The following LPP variants were observed in gnomAD, a reference collection of about 807,000 sequenced individuals.
LPP encodes the protein lipoma-preferred partner.
A neutral mutation model predicts 60.4 loss-of-function variants in LPP; 38 were observed. The observed-to-expected ratio is 0.63, with a 90% CI of 0.49 to 0.83. LPP has a LOEUF of 0.83. Among genes scored for constraint, LPP ranks in the 40% least tolerant of loss-of-function variants. The pLI is 0.00. For synonymous variants in LPP, 328 were observed against 290.8 expected (o/e 1.13, Z -1.30); for missense variants, 902 against 783.6 (o/e 1.15, Z -1.80).
chr3:188,281,423 G>A (rs985804696), intron 2 of LPP, among the ~76,000 whole-genome samples: 5 of 151,424 alleles, frequency 3.3e-5, no homozygotes, highest in Admixed American at 2.6e-4. Context: ...CCAACATAGC[G>A]AAACCCCGTC....
chr3:188,746,508 G>A (rs1300433619), intron 8 of LPP: 1 of 487,196 alleles, frequency 2.1e-6, no homozygotes, highest in Non-Finnish European at 4.1e-6. Context: ...ATGCCAAGCT[G>A]TGTTTACAGT....
intron 3 of LPP, among the ~76,000 whole-genome samples, chr3:188,390,395 A>G (rs1779411515): frequency 6.6e-6 from 1 of 152,010 alleles, no homozygotes; most frequent in African/African-American, 2.4e-5. Context: ...TCCTTTATTA[A>G]TAGTCTTCCT....
At chr3:188,286,044 G>C (rs1164191014) in intron 2 of LPP, among the ~76,000 whole-genome samples, 3 of 152,144 alleles carry the variant, frequency 2.0e-5, no homozygotes, top group African/African-American at 7.2e-5. Context: ...CTTATATGGA[G>C]GCGGAAATGG....
At chr3:188,277,178 A>G (rs1337988209) in intron 2 of LPP, among the ~76,000 whole-genome samples, 5 of 152,112 alleles carry the variant, frequency 3.3e-5, no homozygotes, top group Non-Finnish European at 2.9e-5. Context: ...TGCTGGGATT[A>G]CAGGCATGAG....
intron 8 of LPP, among the ~76,000 whole-genome samples, chr3:188,744,440 C>A (rs1231501064): frequency 6.6e-6 from 1 of 152,124 alleles, no homozygotes; most frequent in African/African-American, 2.4e-5. Context: ...CTGCTGATAT[C>A]ATTTTTTGCA....
intron 5 of LPP, among the ~76,000 whole-genome samples, chr3:188,503,322 T>C (rs1812464324): frequency 6.6e-6 from 1 of 152,168 alleles, no homozygotes; most frequent in Admixed American, 6.5e-5. Context: ...AAGCTAATAA[T>C]TTAATACACT....
chr3:188,203,607 A>T (rs1270234467), intron 1 of LPP, among the ~76,000 whole-genome samples: 1 of 114,710 alleles, frequency 8.7e-6, no homozygotes, highest in Non-Finnish European at 1.7e-5. Flanking sequence ...ATATATAAAT[A>T]TATATTTAAA....
chr3:188,565,645 G>A (rs995832055), intron 6 of LPP, among the ~76,000 whole-genome samples: 3 of 151,780 alleles, frequency 2.0e-5, no homozygotes, highest in South Asian at 2.1e-4. Flanking sequence ...AAAACTGAAC[G>A]GGGTTTTTGT....
intron 2 of LPP, among the ~76,000 whole-genome samples, chr3:188,288,061 C>G (rs1744570769): frequency 6.6e-6 from 1 of 152,180 alleles, no homozygotes; most frequent in African/African-American, 2.4e-5. Context: ...TACTTAAGGA[C>G]AGCTCCAGCC....
intron 2 of LPP, among the ~76,000 whole-genome samples, chr3:188,329,200 G>A (rs758186936): frequency 1.8e-4 from 28 of 152,196 alleles, no homozygotes; most frequent in Admixed American, 1.4e-3. Flanking sequence ...GGAGAGGAGA[G>A]TGGTGGAAAG....
intron 9 of LPP, among the ~76,000 whole-genome samples, chr3:188,852,208 G>A (rs1426846388): frequency 6.6e-6 from 1 of 152,090 alleles, no homozygotes; most frequent in Non-Finnish European, 1.5e-5. Flanking sequence ...TGTCTCAAGT[G>A]GGCAAGTTTG....
At chr3:188,684,587 C>CTGT (rs1228635700) in intron 7 of LPP, among the ~76,000 whole-genome samples, 1 of 152,098 alleles carries the variant, frequency 6.6e-6, no homozygotes, top group African/African-American at 2.4e-5. Context: ...GTCCCATACG[C>CTGT]TGTTAGTGTT....
chr3:188,428,583 T>TAC (rs1312748453), intron 4 of LPP, among the ~76,000 whole-genome samples: 2 of 53,248 alleles, frequency 3.8e-5, no homozygotes, highest in African/African-American at 7.5e-5. Context: ...ATGGGCACTA[T>TAC]ATATATATAT....
chr3:188,224,031 G>A (rs374695282), intron 1 of LPP, among the ~76,000 whole-genome samples: 57 of 152,260 alleles, frequency 3.7e-4, no homozygotes, highest in African/African-American at 1.3e-3. Flanking sequence ...CTGGGAGAGC[G>A]TTGAAATAGG....
chr3:188,642,566 C>T (rs1290514182), intron 7 of LPP, among the ~76,000 whole-genome samples: 5 of 152,128 alleles, frequency 3.3e-5, no homozygotes, highest in Non-Finnish European at 5.9e-5. Context: ...TATTATTTGA[C>T]GTGATGACAT....
intron 6 of LPP, among the ~76,000 whole-genome samples, chr3:188,526,487 C>T (rs1820615214): frequency 6.6e-6 from 1 of 152,124 alleles, no homozygotes; most frequent in Non-Finnish European, 1.5e-5. Context: ...GATGGAGTTT[C>T]ACCATGTTGG....
intron 5 of LPP, among the ~76,000 whole-genome samples, chr3:188,503,640 CTTT>C (rs60878110): frequency 7.1e-6 from 1 of 141,298 alleles, no homozygotes; most frequent in African/African-American, 2.6e-5. Flanking sequence ...TCTCTCACCT[CTTT>C]TTTTTTTTTT....
At chr3:188,634,024 A>G (rs1356463103) in intron 7 of LPP, among the ~76,000 whole-genome samples, 3 of 141,476 alleles carry the variant, frequency 2.1e-5, no homozygotes, top group Admixed American at 7.1e-5. Flanking sequence ...AACACAAGAT[A>G]TATTTTAAGG....
chr3:188,524,581 C>A, intron 5 of LPP, 84 bp from the exon 6 acceptor site: 3 of 1,423,294 alleles, frequency 2.1e-6, no homozygotes, highest in East Asian at 2.5e-5. Flanking sequence ...TTGGACAAAG[C>A]CACATTATAA....
Sources: allele counts gnomAD v4.1 joint callset (sites outside exome capture counted in the v4.1 genomes callset), GRCh38; gene constraint gnomAD v4.1.1; transcripts MANE v1.5; gene names NCBI Gene and HGNC (gene_info 2026-07-23, HGNC 2026-07-21).